HNRNPM: variants seen among roughly 807,000 people sequenced by gnomAD.
HNRNPM encodes the protein heterogeneous nuclear ribonucleoprotein M.
Under a neutral mutation model 73.1 loss-of-function variants are expected in HNRNPM, and 11 were observed. That is an observed-to-expected ratio of 0.15 (90% CI 0.09 to 0.25). The LOEUF is 0.25. HNRNPM is among the 10% of genes least tolerant of loss of function. HNRNPM has a pLI of 1.00. For synonymous variants in HNRNPM, 407 were observed against 355.2 expected, an observed-to-expected ratio of 1.15 and a Z score of -1.64; for missense variants, 789 against 1,067.9, an observed-to-expected ratio of 0.74 and a Z score of 3.64.
At chr19:8,483,089 CTG>C (rs957956346) in intron 12 of HNRNPM, 67 bp from the exon 13 acceptor site, 9 of 957,816 alleles carry the variant, frequency 9.4e-6, no homozygotes, top group African/African-American at 4.9e-5. Flanking sequence ...ACTCTGGAAT[CTG>C]TAATGAGCAC....
intron 12 of HNRNPM, 53 bp downstream of exon 12, chr19:8,474,297 T>C: frequency 5.9e-6 from 8 of 1,360,146 alleles, no homozygotes; most frequent in Non-Finnish European, 8.0e-6. Context: ...GGCTGTTGCC[T>C]CTCAGGTGAC....
At chr19:8,481,007 T>C (rs1401796933) in intron 12 of HNRNPM, among the ~76,000 whole-genome samples, 1 of 152,120 alleles carries the variant, frequency 6.6e-6, no homozygotes, top group Admixed American at 6.5e-5. Context: ...AGTGGTTGGG[T>C]TGGTTTTTCA....
chr19:8,488,674 T>A lies in HNRNPM; in HGVS notation c.2030-17T>A. 6.2e-7 allele frequency: 1 copy of A among 1,601,562 alleles called. No homozygotes were observed. Among genetic ancestry groups the A allele is most frequent in the Non-Finnish European group, 8.5e-7 (1 of 1,172,156 alleles). ...AATCGGGACTGAGTGTCGTCTCTTC[T>A]TCCCTCCCTGTCCTAGGCCACGTGC... On this transcript the variant is annotated splice_polypyrimidine_tract_variant and intron_variant, in intron 15 of 15. Transcript: ENST00000325495.
At chr19:8,460,241 G>A (rs573033902) in intron 2 of HNRNPM, among the ~76,000 whole-genome samples, 1 of 152,128 alleles carries the variant, frequency 6.6e-6, no homozygotes, top group Non-Finnish European at 1.5e-5. Flanking sequence ...TCTTTGCTTT[G>A]CTATTGTAGA....
chr19:8,445,009 G>C lies in HNRNPM; in HGVS notation c.11G>C (p.Gly4Ala), dbSNP rs972558142. The stretch of plus-strand genomic sequence containing the variant: ...CCAGACGCGGAGAAAATGGCGGCAG[G>C]GGTCGAAGCGGCGGCGGAGGTGGCG... MAA[G>A]VEAAAEVAAT... is the part of the protein sequence containing the mutation. Residue 4 changes from glycine (G) to alanine (A), a missense_variant, in exon 1 of 16, where the codon GGG (glycine) becomes GCG (alanine). Coordinates refer to ENST00000325495, the MANE Select transcript of HNRNPM (RefSeq NM_005968.5). 4 of 1,422,482 alleles carry C rather than the reference G, an allele frequency of 2.8e-6. No individual in the cohort carries two copies. Among genetic ancestry groups the C allele is most frequent in the African/African-American group, 3.0e-5 (2 of 66,680 alleles). 88.1% of individuals were successfully genotyped at this position (1,422,482 alleles called of 1,614,324 possible).
chr19:8,485,562 A>AC (rs1301722586), intron 13 of HNRNPM, 41 bp from the exon 14 acceptor site: 1 of 1,570,844 alleles, frequency 6.4e-7, no homozygotes, highest in South Asian at 1.1e-5. Context: ...ACGCACACTC[A>AC]AGTTCTTGAC....
At position 8,466,280 on chromosome 19, in the gene HNRNPM, A is replaced by G. The variant is rs1969738641; in HGVS notation, c.676A>G (p.Met226Val). 2.5e-6 allele frequency: 4 copies of G among 1,614,038 alleles called. No homozygotes were observed. The highest frequency in any genetic ancestry group is 1.7e-6 in the Non-Finnish European group (2 of 1,180,034). ...GWKKLKEVFS[M>V]AGVVVRADIL... ...GAAGAAACTGAAGGAAGTATTTAGT[A>G]TGGCTGGTGTGGTGGTCCGAGCAGA... The change falls in exon 7 of 16, where the codon ATG (methionine) becomes GTG (valine). Residue 226 changes from methionine to valine, a missense_variant. By Grantham distance (21) the Met-to-Val change is conservative. Coordinates refer to ENST00000325495, the MANE Select transcript of HNRNPM (RefSeq NM_005968.5).
At chr19:8,471,585 T>C (rs1344648535) in intron 10 of HNRNPM, among the ~76,000 whole-genome samples, 158 bp downstream of exon 10, 1 of 152,222 alleles carries the variant, frequency 6.6e-6, no homozygotes, top group African/African-American at 2.4e-5. Context: ...AAAGGCAGTA[T>C]TTTGTATTTT....
intron 8 of HNRNPM, 25 bp downstream of exon 8, chr19:8,467,609 T>G: frequency 6.5e-7 from 1 of 1,546,166 alleles, no homozygotes; most frequent in South Asian, 1.1e-5. Context: ...TCTTTCTCTG[T>G]GATATACTCA....
At chr19:8,474,061 T>C in intron 11 of HNRNPM, 106 bp from the exon 12 acceptor site, 1 of 817,732 alleles carries the variant, frequency 1.2e-6, no homozygotes, top group Middle Eastern at 2.4e-4. Context: ...CTTGGTAAGT[T>C]CTTGGCAGAA....
At position 8,487,091 on chromosome 19, in the gene HNRNPM, G is replaced by C. The variant is rs1466626253; in HGVS notation, c.2029+16G>C. The C allele has an allele frequency of 5.6e-6, 9 of 1,607,664 alleles. No homozygotes were observed. Among genetic ancestry groups the C allele is most frequent in the Non-Finnish European group, 7.7e-6 (9 of 1,174,088 alleles). ...AACGAGTGCGGTAAGTGTTGGGAACGGCTTTGTAGGTGCTTCCCTCGTGCT... is the reference window on the plus strand; with the variant it reads ...AACGAGTGCGGTAAGTGTTGGGAACCGCTTTGTAGGTGCTTCCCTCGTGCT... On this transcript the variant is annotated intron_variant, in intron 15 of 15. Transcript: ENST00000325495.
Position 8,462,941 on chromosome 19 carries a change from C to T in HNRNPM, c.336+360C>T, listed in dbSNP as rs1437214536. Among the ~76,000 whole-genome samples, 1 of 152,204 alleles carries T rather than the reference C, an allele frequency of 6.6e-6. No homozygotes were observed. ...GTGTGTTCTTGTCTAGAAAATGTTA[C>T]TCTTGGTTGTTTGCTGAATTTGAAA... is the stretch of plus-strand genomic sequence containing the variant. On this transcript the variant is annotated intron_variant, in intron 3 of 15. Transcript: ENST00000325495. This position sits in a 1 kb window ranked among gnomAD's most constrained non-coding sequence, Gnocchi z 4.5.
intron 15 of HNRNPM, 143 bp from the exon 16 acceptor site, chr19:8,488,548 G>C: frequency 1.6e-6 from 1 of 622,962 alleles, no homozygotes. Context: ...CAGTGTGGCT[G>C]AGGGGGCCGT....
At chr19:8,458,647 A>T (rs1182843453) in intron 2 of HNRNPM, among the ~76,000 whole-genome samples, 1 of 152,254 alleles carries the variant, frequency 6.6e-6, no homozygotes, top group African/African-American at 2.4e-5. Flanking sequence ...CCCTCAGTCG[A>T]TCCGAAGTTT....
intron 9 of HNRNPM, among the ~76,000 whole-genome samples, chr19:8,470,327 TCTTC>T (rs1970041795): frequency 6.6e-6 from 1 of 152,208 alleles, no homozygotes; most frequent in African/African-American, 2.4e-5. Context: ...TTCCTTCCTT[TCTTC>T]CTTTTTCTTT....
chr19:8,483,475 C>T (rs1027221331), intron 13 of HNRNPM, among the ~76,000 whole-genome samples: 4 of 152,200 alleles, frequency 2.6e-5, no homozygotes, highest in East Asian at 1.9e-4. Flanking sequence ...TGCTTCCGCA[C>T]GTGCTGTGCA....
At chr19:8,488,640 A>G in intron 15 of HNRNPM, 51 bp from the exon 16 acceptor site, 1 of 1,563,944 alleles carries the variant, frequency 6.4e-7, no homozygotes, top group Non-Finnish European at 8.7e-7. Flanking sequence ...GTCCACCAAA[A>G]TCTAACAAAA....
chr19:8,484,286 C>G (rs1437729147), intron 13 of HNRNPM, among the ~76,000 whole-genome samples: 1 of 151,820 alleles, frequency 6.6e-6, no homozygotes, highest in Non-Finnish European at 1.5e-5. Flanking sequence ...AAGCGATTCT[C>G]CTGCCTCAGC....
Position 8,486,325 on chromosome 19 carries a change from A to C in HNRNPM, c.1897A>C (p.Ser633Arg). The C allele has an allele frequency of 6.3e-7, 1 of 1,599,712 alleles. No individual in the cohort carries two copies. The highest frequency in any genetic ancestry group is 8.5e-7 in the Non-Finnish European group (1 of 1,179,768). The stretch of plus-strand genomic sequence containing the variant: ...GATGGAGCGTGGCAACTTCGGAGGA[A>C]GCTTCGCAGGTTCCTTTGGTGGAGC... ...IEMERGNFGG[S>R]FAGSFGGAGG... The change falls in exon 14 of 16, where the codon AGC becomes CGC. Residue 633 changes from serine (S) to arginine (R), a missense_variant. Ser to Arg is a moderately radical substitution (Grantham distance 110). Around this residue, in one of 4 missense-constraint regions of HNRNPM, gnomAD observed 604 missense variants for 744.0 expected, o/e 0.81. Coordinates refer to ENST00000325495, the MANE Select transcript of HNRNPM (RefSeq NM_005968.5).
Sources: allele counts gnomAD v4.1 joint callset (sites outside exome capture counted in the v4.1 genomes callset), GRCh38; gene constraint gnomAD v4.1.1; regional missense constraint gnomAD v4.1.1; non-coding constraint Gnocchi (gnomAD v3.1); transcripts MANE v1.5; gene names NCBI Gene and HGNC (gene_info 2026-07-23, HGNC 2026-07-21).